Variants in PRDM8 observed in about 807,000 individuals in gnomAD.
PRDM8 encodes PR domain zinc finger protein 8.
PRDM8 carries 13 observed loss-of-function variants against 46.5 expected under a neutral mutation model. That is an observed-to-expected ratio of 0.28 (90% CI 0.18 to 0.44). PRDM8 has a LOEUF of 0.44. Ranked by LOEUF, PRDM8 falls within the 20% of genes least tolerant of loss-of-function variation. The pLI is 1.00. For missense variants in PRDM8, 998 were observed against 955.0 expected, an observed-to-expected ratio of 1.04 and a Z score of -0.59; for synonymous variants, 473 against 438.4, an observed-to-expected ratio of 1.08 and a Z score of -0.98.
At chr4:80,197,808 A>C in intron 1 of PRDM8, 45 bp downstream of exon 1, 1 of 979,798 alleles carries the variant, frequency 1.0e-6, no homozygotes, top group Non-Finnish European at 1.2e-6. Context: ...GGAGGAAGAC[A>C]GTTTGGTGGA....
chr4:80,197,888 T>G, intron 1 of PRDM8, 125 bp downstream of exon 1: 1 of 831,058 alleles, frequency 1.2e-6, no homozygotes, highest in Non-Finnish European at 1.5e-6. Context: ...CTTGAGGGGC[T>G]GTCTACTGCC....
At chr4:80,186,589 G>C (rs1737109125) in intron 1 of PRDM8, among the ~76,000 whole-genome samples, 1 of 152,048 alleles carries the variant, frequency 6.6e-6, no homozygotes, top group Admixed American at 6.6e-5. Context: ...TCATGAAATC[G>C]ATCACGCCTC....
At chr4:80,194,848 G>A (rs973483204), upstream of PRDM8, among the ~76,000 whole-genome samples, 2 of 152,102 alleles carry the variant, frequency 1.3e-5, no homozygotes, top group Admixed American at 6.5e-5. Flanking sequence ...TAAAATTGTC[G>A]CTGTTTTCTA....
chr4:80,198,839 T>C (rs1434254462), intron 1 of PRDM8, among the ~76,000 whole-genome samples: 3 of 152,176 alleles, frequency 2.0e-5, no homozygotes, highest in African/African-American at 7.2e-5. Flanking sequence ...TTTAATTATA[T>C]AAAACATACA....
upstream of PRDM8, among the ~76,000 whole-genome samples, chr4:80,192,918 A>G (rs1406528505): frequency 6.6e-6 from 1 of 152,240 alleles, no homozygotes; most frequent in Non-Finnish European, 1.5e-5. Flanking sequence ...GAGGAAGATA[A>G]TAACATACAG....
chr4:80,202,970 A>T lies in PRDM8; in HGVS notation c.1508A>T (p.Gln503Leu). 3.3e-6 allele frequency: 5 copies of T among 1,494,234 alleles called. No homozygotes were observed. The highest frequency in any genetic ancestry group is 4.4e-6 in the Non-Finnish European group (5 of 1,130,372). 92.6% of individuals were successfully genotyped at this position (1,494,234 alleles called of 1,614,324 possible). ...GACGAGCGCAAAAGCGCCTTCTCGC[A>T]GCCAGCACGCTCTTTCTCGCAGCTG... is the stretch of plus-strand genomic sequence containing the variant. ...ASDERKSAFS[Q>L]PARSFSQLSP... Residue 503 changes from glutamine to leucine, a missense_variant, in exon 4 of 4, where the codon CAG (glutamine) becomes CTG (leucine). Physicochemically the swap from Gln to Leu is moderately radical, Grantham distance 113 (BLOSUM62 -2). Transcript: ENST00000415738.
chr4:80,195,490 T>A (rs1386543387), upstream of PRDM8, among the ~76,000 whole-genome samples: 1 of 148,644 alleles, frequency 6.7e-6, no homozygotes, highest in Non-Finnish European at 1.5e-5. Flanking sequence ...GGACCATGTG[T>A]CCATACTTTG....
chr4:80,202,590 C>A lies in PRDM8; in HGVS notation c.1128C>A (p.Pro376=), dbSNP rs1284467437. ...ENGRLFAPPS[P]ETGEAKRSAF... is the part of the protein sequence containing the mutation. ...GCCGCCTCTTCGCGCCGCCAAGTCC[C>A]GAGACGGGCGAGGCGAAGCGCAGCG... Residue 376 remains proline (P), a synonymous_variant, in exon 4 of 4, where the codon CCC becomes CCA. Transcript: ENST00000415738. 1.3e-6 allele frequency: 2 copies of A among 1,533,224 alleles called. No individual in the cohort carries two copies. The highest frequency in any genetic ancestry group is 1.4e-5 in the African/African-American group (1 of 72,590). 95.0% of individuals were successfully genotyped at this position (1,533,224 alleles called of 1,614,324 possible). A position where few individuals can be genotyped will look rare whatever the true frequency, so the allele number is the denominator to read the frequency against.
At chr4:80,191,327 T>C (rs1217046705) in intron 1 of PRDM8, 1 of 150,780 alleles carries the variant, frequency 6.6e-6, no homozygotes, top group African/African-American at 2.5e-5. Context: ...AACATCTAGG[T>C]CATTATATTC....
chr4:80,190,705 G>C (rs1737477110), intron 1 of PRDM8, among the ~76,000 whole-genome samples: 1 of 152,244 alleles, frequency 6.6e-6, no homozygotes, highest in South Asian at 2.1e-4. Context: ...TAGACATCAG[G>C]AAGTGTCCGA....
rs369646038 is a variant in PRDM8 at position 80,200,051 on chromosome 4, C to G, written c.-2-28C>G. 2.6e-5 allele frequency: 41 copies of G among 1,575,540 alleles called. No homozygotes were observed. The African/African-American group carries it at 4.9e-4, about 19-fold the overall frequency. The stretch of plus-strand genomic sequence containing the variant: ...GCGTTAAAAGCAGTAACATAACTCA[C>G]TTTCTTGTGCTGTGTGTCTATCTCC... On this transcript the variant is annotated intron_variant, in intron 1 of 3. Coordinates refer to ENST00000415738, the MANE Select transcript of PRDM8 (RefSeq NM_001099403.2).
chr4:80,186,952 G>A (rs1737143697), intron 1 of PRDM8, among the ~76,000 whole-genome samples: 2 of 152,296 alleles, frequency 1.3e-5, no homozygotes, highest in Admixed American at 6.5e-5. Context: ...GATGGCTACT[G>A]ATTGGGGGAG....
chr4:80,202,549 G>A lies in PRDM8; in HGVS notation c.1087G>A (p.Gly363Ser). ...QQYRASGSYF[G>S]LEENGRLFAP... Reference sequence around the variant, plus strand: ...GTACCGAGCCTCGGGCAGCTACTTCGGCCTGGAAGAGAACGGCCGCCTCTT... The same window carrying A: ...GTACCGAGCCTCGGGCAGCTACTTCAGCCTGGAAGAGAACGGCCGCCTCTT... The change falls in exon 4 of 4, where the codon GGC (glycine) becomes AGC (serine). Residue 363 changes from glycine to serine, a missense_variant. By Grantham distance (56) the Gly-to-Ser change is moderately conservative. Transcript: ENST00000415738. The A allele has an allele frequency of 1.3e-6, 2 of 1,535,440 alleles. No individual in the cohort carries two copies. Among genetic ancestry groups the A allele is most frequent in the Non-Finnish European group, 8.7e-7 (1 of 1,146,426 alleles).
chr4:80,202,342 G>A lies in PRDM8; in HGVS notation c.880G>A (p.Gly294Ser), dbSNP rs1738555862. ...SSGSGSGGGG[G>S]HQEAELSPDG... ...CGGTAGCGGCAGCGGCGGCGGCGGC[G>A]GCCACCAGGAGGCGGAGCTGAGTCC... Residue 294 changes from glycine to serine, a missense_variant, in exon 4 of 4, where the codon GGC (glycine) becomes AGC (serine). Coordinates refer to ENST00000415738, the MANE Select transcript of PRDM8 (RefSeq NM_001099403.2). 4 of 1,601,954 alleles carry A rather than the reference G, an allele frequency of 2.5e-6. No individual in the cohort carries two copies. The highest frequency in any genetic ancestry group is 2.3e-5 in the East Asian group (1 of 44,420).
upstream of PRDM8, among the ~76,000 whole-genome samples, chr4:80,194,682 G>A (rs1737811778): frequency 1.3e-5 from 2 of 152,108 alleles, no homozygotes; most frequent in African/African-American, 4.8e-5. Flanking sequence ...ATAATAAAAA[G>A]GGTAGGTCAG....
At chr4:80,200,036 C>T (rs769037953) in intron 1 of PRDM8, 43 bp from the exon 2 acceptor site, 71 of 1,520,614 alleles carry the variant, frequency 4.7e-5, no homozygotes, top group Non-Finnish European at 6.5e-5. Context: ...GCGTTAAAAG[C>T]AGTAACATAA....
Position 80,202,651 on chromosome 4 carries a change from A to G in PRDM8, c.1189A>G (p.Ser397Gly), listed in dbSNP as rs768423891. 1.4e-5 allele frequency: 21 copies of G among 1,492,688 alleles called. No individual in the cohort carries two copies. In the East Asian group the frequency reaches 2.9e-4, roughly 21 times the overall value. The allele number at this position is 1,492,688 out of a possible 1,614,324, so 92.5% of individuals were successfully genotyped here. ...VEVKKAARAA[S>G]LQEEGTADGA... ...GGTGAAGAAGGCTGCCCGCGCGGCC[A>G]GCCTGCAGGAGGAGGGGACAGCCGA... The change falls in exon 4 of 4, where the codon AGC becomes GGC. Residue 397 changes from serine to glycine, a missense_variant. Transcript: ENST00000415738.
intron 1 of PRDM8, among the ~76,000 whole-genome samples, chr4:80,199,588 C>T (rs1468340635): frequency 6.6e-6 from 1 of 152,030 alleles, no homozygotes; most frequent in Non-Finnish European, 1.5e-5. Context: ...AAAATCAGCT[C>T]CCGGGCACCC....
At position 80,203,606 on chromosome 4, in the gene PRDM8, C is replaced by T. The variant is rs1738755969; in HGVS notation, c.*74C>T. ...ACCTGCAGGAATAAACACGCGAGAACATCCACCGCTTCCTTGCACCCCGAA... is the reference window on the plus strand; with the variant it reads ...ACCTGCAGGAATAAACACGCGAGAATATCCACCGCTTCCTTGCACCCCGAA... On this transcript the variant is annotated 3_prime_UTR_variant, in exon 4 of 4. Coordinates refer to ENST00000415738, the MANE Select transcript of PRDM8 (RefSeq NM_001099403.2). 23 of 1,492,490 alleles carry T rather than the reference C, an allele frequency of 1.5e-5. No individual in the cohort carries two copies. The South Asian group carries it at 3.1e-4, about 20-fold the overall frequency. 92.5% of individuals were successfully genotyped at this position (1,492,490 alleles called of 1,614,324 possible).
Sources: gnomAD v4.1 joint callset for allele counts (sites outside exome capture counted in the v4.1 genomes callset) on GRCh38, gnomAD v4.1.1 for gene constraint, MANE v1.5 for transcripts, NCBI Gene and HGNC (gene_info 2026-07-23, HGNC 2026-07-21) for gene names.